DDB1: variants seen among roughly 807,000 people sequenced by gnomAD.
The protein encoded by DDB1 is DNA damage-binding protein 1.
A neutral mutation model predicts 133.1 loss-of-function variants in DDB1; 18 were observed. The ratio of observed to expected loss-of-function variants is 0.14; its 90% confidence interval spans 0.09 to 0.20. DDB1 has a LOEUF of 0.20. DDB1 is among the 10% of genes least tolerant of loss of function. DDB1 has a pLI of 1.00. For missense variants in DDB1, 828 were observed against 1,459.2 expected, an observed-to-expected ratio of 0.57 and a Z score of 7.05; for synonymous variants, 580 against 550.5, an observed-to-expected ratio of 1.05 and a Z score of -0.75.
intron 22 of DDB1, 66 bp from the exon 23 acceptor site, chr11:61,303,221 C>T (rs1285747924): frequency 2.8e-5 from 40 of 1,436,796 alleles, no homozygotes; most frequent in Non-Finnish European, 3.6e-5. Context: ...AGTTCTGGGA[C>T]TTGTGTTTCC....
At chr11:61,312,154 C>A in intron 16 of DDB1, 70 bp from the exon 17 acceptor site, 1 of 1,388,746 alleles carries the variant, frequency 7.2e-7, no homozygotes. Flanking sequence ...GGCAACTCCA[C>A]AGAGGAAGAA....
In DDB1 at chr11:61,321,694, C is replaced by T. The variant is rs1374814083; in HGVS notation, c.1126G>A (p.Val376Ile). The change falls in exon 10 of 27, where the codon GTC (valine) becomes ATC (isoleucine). Residue 376 changes from valine to isoleucine, a missense_variant. Transcript: ENST00000301764. ...DLERQGQGQL[V>I]TCSGAFKEGS... ...TCCTTGAAAGCCCCAGAGCAAGTGA[C>T]CAGCTGCAAGCAGAGAAAACGTTTC... The T allele has an allele frequency of 4.3e-6, 7 of 1,613,984 alleles. No individual in the cohort carries two copies. The highest frequency in any genetic ancestry group is 5.9e-6 in the Non-Finnish European group (7 of 1,180,002).
intron 12 of DDB1, chr11:61,315,461 C>T (rs1012336741): frequency 3.3e-5 from 5 of 152,234 alleles, no homozygotes; most frequent in African/African-American, 4.8e-5. Context: ...GCACGTCCCA[C>T]ACTTGGTCTG....
At chr11:61,321,737 A>C (rs1226960521) in intron 9 of DDB1, 40 bp from the exon 10 acceptor site, 1 of 1,566,632 alleles carries the variant, frequency 6.4e-7, no homozygotes, top group Non-Finnish European at 8.8e-7. Flanking sequence ...CCCCCTCAAG[A>C]TACTGGGCCA....
intron 16 of DDB1, 136 bp downstream of exon 16, chr11:61,313,363 T>C (rs1856010330): frequency 1.3e-6 from 1 of 791,220 alleles, no homozygotes. Context: ...TAGCCAGTTT[T>C]GAGAACCTCT....
rs922231733 is a variant in DDB1, at chr11:61,333,054, G to C, written c.-86C>G. 2 of 1,296,680 alleles carry C rather than the reference G, an allele frequency of 1.5e-6. No homozygotes were observed. The highest frequency in any genetic ancestry group is 3.0e-5 in the East Asian group (1 of 33,676). 80.3% of individuals were successfully genotyped at this position (1,296,680 alleles called of 1,614,324 possible). The stretch of plus-strand genomic sequence containing the variant: ...GAAAAGACAGGTGGCCCCCAACAGC[G>C]CGCAGCGAACTCCACTGCCGCTGCC... On this transcript the variant is annotated 5_prime_UTR_variant, in exon 1 of 27. Coordinates refer to ENST00000301764, the MANE Select transcript of DDB1 (RefSeq NM_001923.5).
intron 12 of DDB1, 186 bp downstream of exon 12, chr11:61,316,099 A>T: frequency 1.9e-6 from 1 of 539,368 alleles, no homozygotes; most frequent in Non-Finnish European, 3.3e-6. Flanking sequence ...ATAAAGCTAA[A>T]AGGAGCAACT....
intron 26 of DDB1, 103 bp downstream of exon 26, chr11:61,300,706 G>GC: frequency 6.6e-7 from 1 of 1,521,414 alleles, no homozygotes; most frequent in Non-Finnish European, 8.9e-7. Context: ...AGGTCCCCTC[G>GC]CATCTTGGAA....
In DDB1 at chr11:61,329,410, T is replaced by G. The variant is rs1856326656; in HGVS notation, c.502A>C (p.Lys168Gln). The G allele has an allele frequency of 6.2e-7, 1 of 1,614,056 alleles. No homozygotes were observed. The highest frequency in any genetic ancestry group is 8.5e-7 in the Non-Finnish European group (1 of 1,180,034). The change falls in exon 4 of 27, where the codon AAG becomes CAG. Residue 168 changes from lysine (K) to glutamine (Q), a missense_variant. This residue lies in a region of DDB1 where 210 missense variants were observed against 344.8 expected (regional missense o/e 0.61). Transcript: ENST00000301764. ...GGTGCTTGGCAACCATATAGGAACT[T>G]GACATCAATGACATGCAGCTCCTCC... ...RLEELHVIDV[K>Q]FLYGCQAPTI...
intron 1 of DDB1, 74 bp from the exon 2 acceptor site, chr11:61,331,765 T>C: frequency 6.4e-7 from 1 of 1,573,448 alleles, no homozygotes; most frequent in Non-Finnish European, 8.7e-7. Flanking sequence ...TCCTATCACT[T>C]ATGTCTAAAT....
At position 61,311,976 on chromosome 11, in the gene DDB1, C is replaced by T. The variant is rs747864801; in HGVS notation, c.2165+13G>A. ...CCAACCCCCACTTCCCACTCTCCCA[C>T]CCTGGGCCTCACCTTGGAGACTCAT... On this transcript the variant is annotated intron_variant, in intron 17 of 26. Transcript: ENST00000301764. 13 of 1,614,054 alleles carry T rather than the reference C, an allele frequency of 8.1e-6. No individual in the cohort carries two copies. Among genetic ancestry groups the T allele is most frequent in the Admixed American group, 1.7e-5 (1 of 60,010 alleles).
chr11:61,323,633 G>A (rs1048509442), intron 7 of DDB1: 10 of 263,638 alleles, frequency 3.8e-5, no homozygotes, highest in South Asian at 1.6e-4. Flanking sequence ...GGCTAATCTC[G>A]AACTCCTGGG....
At chr11:61,308,565 T>C (rs1855912745) in intron 21 of DDB1, among the ~76,000 whole-genome samples, 1 of 152,176 alleles carries the variant, frequency 6.6e-6, no homozygotes, top group East Asian at 1.9e-4. Context: ...AAAATTTTTG[T>C]CAACTATACC....
chr11:61,307,656 TC>T (rs1565239768), intron 21 of DDB1, among the ~76,000 whole-genome samples: 2 of 152,190 alleles, frequency 1.3e-5, no homozygotes, highest in African/African-American at 4.8e-5. Flanking sequence ...TGCTAGTATC[TC>T]CAGTGTACCT....
chr11:61,323,199 C>A (rs570697240), intron 7 of DDB1, 105 bp from the exon 8 acceptor site: 2 of 870,834 alleles, frequency 2.3e-6, no homozygotes, highest in Non-Finnish European at 3.8e-6. Flanking sequence ...CAACTGCAGC[C>A]ATAATTCAGA....
intron 21 of DDB1, among the ~76,000 whole-genome samples, chr11:61,308,411 C>T (rs563289746): frequency 2.9e-4 from 44 of 152,332 alleles, no homozygotes; most frequent in Admixed American, 2.0e-4. Context: ...GGCATTCCTC[C>T]AGTCCTGCAC....
At chr11:61,304,101 T>A in intron 21 of DDB1, 66 bp from the exon 22 acceptor site, 1 of 1,573,294 alleles carries the variant, frequency 6.4e-7, no homozygotes, top group Non-Finnish European at 8.7e-7. Flanking sequence ...TCCCCCCAAC[T>A]CTTCGACCCT....
At chr11:61,308,126 T>A (rs1265464999) in intron 21 of DDB1, among the ~76,000 whole-genome samples, 1 of 152,166 alleles carries the variant, frequency 6.6e-6, no homozygotes, top group Non-Finnish European at 1.5e-5. Flanking sequence ...ATGCTCTGAA[T>A]AAAACCCTGA....
At chr11:61,328,987 CT>C (rs1185654102) in intron 4 of DDB1, among the ~76,000 whole-genome samples, 1 of 152,194 alleles carries the variant, frequency 6.6e-6, no homozygotes. Flanking sequence ...GACAATTTCT[CT>C]TTGCTTAATA....
Sources: allele counts gnomAD v4.1 joint callset (sites outside exome capture counted in the v4.1 genomes callset), GRCh38; gene constraint gnomAD v4.1.1; regional missense constraint gnomAD v4.1.1; transcripts MANE v1.5; gene names NCBI Gene and HGNC (gene_info 2026-07-23, HGNC 2026-07-21).